Variants in SPATA13 observed in about 807,000 individuals in gnomAD.
The protein encoded by SPATA13 is spermatogenesis associated 13, also known as spermatogenesis-associated protein 13.
SPATA13 carries 50 observed loss-of-function variants against 104.0 expected under a neutral mutation model. The ratio of observed to expected loss-of-function variants is 0.48; its 90% CI spans 0.38 to 0.61. The LOEUF is 0.61. Ranked by LOEUF, SPATA13 falls within the 20% of genes least tolerant of loss-of-function variation. The pLI is 0.00. For synonymous variants in SPATA13, 606 were observed against 667.5 expected (o/e 0.91, Z 1.42); for missense variants, 1,524 against 1,690.6 (o/e 0.90, Z 1.73).
intron 1 of SPATA13, among the ~76,000 whole-genome samples, chr13:24,167,001 TG>T (rs1344226984): frequency 6.6e-6 from 1 of 152,236 alleles, no homozygotes; most frequent in Non-Finnish European, 1.5e-5. Flanking sequence ...CTTTGCTGCA[TG>T]TTTGAATTAC....
chr13:24,079,070 G>A lies in SPATA13; in HGVS notation c.-112+61369G>A, dbSNP rs12429718. Among the ~76,000 whole-genome samples, 1,429 of 152,332 alleles carry A rather than the reference G, an allele frequency of 9.4e-3. 67 individuals carry two copies. Among genetic ancestry groups the A allele is most frequent in the Admixed American group, 0.084 (1,278 of 15,304 alleles). ...AGAAAATTGGAGAGGGCTTCTTGGAGGAGGTGGTACTGATCTGATAACGGA... is the reference window on the plus strand; with the variant it reads ...AGAAAATTGGAGAGGGCTTCTTGGAAGAGGTGGTACTGATCTGATAACGGA... On this transcript the variant is annotated intron_variant, in intron 3 of 14. Transcript: ENST00000424834.
At chr13:24,082,561 C>T (rs1420136003) in intron 3 of SPATA13, among the ~76,000 whole-genome samples, 1 of 152,066 alleles carries the variant, frequency 6.6e-6, no homozygotes, top group African/African-American at 2.4e-5. Context: ...TGGCTCACGC[C>T]TGTAATCCCA....
intron 11 of SPATA13, among the ~76,000 whole-genome samples, 179 bp from the exon 12 acceptor site, chr13:24,300,222 G>A (rs931678723): frequency 1.3e-5 from 2 of 152,144 alleles, no homozygotes; most frequent in African/African-American, 2.4e-5. Context: ...CCACCTTGGC[G>A]ATAATCCTTG....
At chr13:24,218,449 C>T (rs866408391) in intron 1 of SPATA13, among the ~76,000 whole-genome samples, 2 of 152,114 alleles carry the variant, frequency 1.3e-5, no homozygotes, top group African/African-American at 4.8e-5. Context: ...AGCTACTCAG[C>T]CTCACTGGGC....
intron 2 of SPATA13, among the ~76,000 whole-genome samples, chr13:23,987,911 A>C (rs1027365875): frequency 1.3e-5 from 2 of 151,448 alleles, no homozygotes; most frequent in Admixed American, 6.6e-5. Flanking sequence ...CTTAAGGCCC[A>C]GGTATGTTGT....
At chr13:24,288,763 A>C (rs758142520) in intron 7 of SPATA13, among the ~76,000 whole-genome samples, 1 of 152,214 alleles carries the variant, frequency 6.6e-6, no homozygotes, top group African/African-American at 2.4e-5. Context: ...TTCTGGAAAC[A>C]TTATATGGTT....
intron 3 of SPATA13, among the ~76,000 whole-genome samples, chr13:24,121,247 A>G (rs532817271): frequency 2.0e-5 from 3 of 152,196 alleles, no homozygotes; most frequent in African/African-American, 4.8e-5. Context: ...CAGCAATGAA[A>G]TACCACTAAA....
intron 3 of SPATA13, among the ~76,000 whole-genome samples, chr13:24,061,854 CCT>C (rs1878783445): frequency 6.7e-6 from 1 of 150,066 alleles, no homozygotes; most frequent in African/African-American, 2.5e-5. Context: ...GTACCCCAAA[CCT>C]AACATAAAAG....
chr13:24,123,520 G>C lies in SPATA13; in HGVS notation c.-111-99299G>C, dbSNP rs909117276. 8.7e-6 allele frequency: 14 copies of C among 1,610,940 alleles called. No homozygotes were observed. In the East Asian group the frequency reaches 3.1e-4, roughly 36 times the overall value. ...ATATGCAGGGCTCCATCTTTTTTTC[G>C]AGGGTCAGCATTTGGTTCTGTAAGA... On this transcript the variant is annotated intron_variant, in intron 3 of 14. Transcript: ENST00000424834.
chr13:24,268,036 C>T (rs963011277), intron 4 of SPATA13, among the ~76,000 whole-genome samples: 1 of 152,234 alleles, frequency 6.6e-6, no homozygotes, highest in Non-Finnish European at 1.5e-5. Flanking sequence ...GGTCCATGGG[C>T]CCTACTGTGA....
chr13:24,302,321 G>A (rs1877244736), intron 12 of SPATA13, among the ~76,000 whole-genome samples: 2 of 151,948 alleles, frequency 1.3e-5, no homozygotes, highest in African/African-American at 4.8e-5. Flanking sequence ...AATTAGCTGG[G>A]CGTGGTGGCA....
upstream of SPATA13, among the ~76,000 whole-genome samples, chr13:24,155,934 T>C (rs947975978): frequency 6.6e-6 from 1 of 152,196 alleles, no homozygotes. Context: ...AATCCTACAG[T>C]ATCTGTCCTT....
At chr13:24,248,681 T>G (rs1453892889) in intron 2 of SPATA13, among the ~76,000 whole-genome samples, 1 of 152,186 alleles carries the variant, frequency 6.6e-6, no homozygotes, top group Non-Finnish European at 1.5e-5. Context: ...AGCCAGAGGC[T>G]GCTCGAGTGT....
At chr13:24,158,073 C>T (rs1206915867), upstream of SPATA13, among the ~76,000 whole-genome samples, 2 of 152,156 alleles carry the variant, frequency 1.3e-5, no homozygotes, top group African/African-American at 2.4e-5. Flanking sequence ...AAAAAAAGCG[C>T]GTTAGACTTA....
intron 1 of SPATA13, among the ~76,000 whole-genome samples, chr13:24,210,404 G>A (rs899722083): frequency 6.6e-6 from 1 of 152,150 alleles, no homozygotes; most frequent in Admixed American, 6.5e-5. Flanking sequence ...TATGGTTCCA[G>A]GTCTTAAGTT....
chr13:24,200,985 C>T (rs187945890), intron 1 of SPATA13, among the ~76,000 whole-genome samples: 2 of 151,932 alleles, frequency 1.3e-5, no homozygotes, highest in East Asian at 3.9e-4. Flanking sequence ...TGCAGCTATT[C>T]TAAGGGCTTT....
chr13:24,248,883 CT>C (rs57863513), intron 2 of SPATA13, among the ~76,000 whole-genome samples: 127 of 144,038 alleles, frequency 8.8e-4, no homozygotes, highest in African/African-American at 1.0e-3. Context: ...TGCTGATTTT[CT>C]TTTTTTTTTT....
At chr13:24,136,160 G>T (rs1181972872) in intron 3 of SPATA13, among the ~76,000 whole-genome samples, 4 of 152,106 alleles carry the variant, frequency 2.6e-5, no homozygotes, top group Non-Finnish European at 5.9e-5. Context: ...GTCTTTCATT[G>T]CCAGGCCACA....
intron 2 of SPATA13, among the ~76,000 whole-genome samples, chr13:24,012,682 G>T (rs1241390678): frequency 1.3e-5 from 2 of 152,262 alleles, no homozygotes; most frequent in Non-Finnish European, 2.9e-5. Flanking sequence ...TGTGGTGGGC[G>T]GGGTGCAGGC....
Sources: allele counts gnomAD v4.1 joint callset (sites outside exome capture counted in the v4.1 genomes callset), GRCh38; gene constraint gnomAD v4.1.1; transcripts MANE v1.5; gene names NCBI Gene and HGNC (gene_info 2026-07-23, HGNC 2026-07-21).